Variants in UBE2E3 observed in about 807,000 individuals in gnomAD.
UBE2E3 encodes ubiquitin-conjugating enzyme E2 E3.
In UBE2E3, 5 loss-of-function variants were observed where a neutral mutation model predicts 23.6. That is an observed-to-expected ratio of 0.21 (90% CI 0.11 to 0.44). The LOEUF (loss-of-function observed/expected upper bound fraction) is 0.44. Among genes scored for constraint, UBE2E3 ranks in the 20% least tolerant of loss-of-function variants. UBE2E3 has a pLI of 0.99. For synonymous variants in UBE2E3, 78 were observed against 87.5 expected (o/e 0.89, Z 0.60); for missense variants, 81 against 249.8 (o/e 0.32, Z 4.55).
chr2:181,002,714 A>C (rs1475975554), intron 3 of UBE2E3, among the ~76,000 whole-genome samples: 1 of 152,224 alleles, frequency 6.6e-6, no homozygotes, highest in East Asian at 1.9e-4. Flanking sequence ...TAAAATATAC[A>C]CCACCTTTTA....
intron 3 of UBE2E3, chr2:180,987,407 T>C (rs1247698387): frequency 4.5e-6 from 7 of 1,549,640 alleles, no homozygotes; most frequent in Non-Finnish European, 6.1e-6. Context: ...ACTGGATTTC[T>C]AACTTAACCC....
chr2:180,997,248 T>C (rs1684851607), intron 3 of UBE2E3, among the ~76,000 whole-genome samples: 1 of 152,070 alleles, frequency 6.6e-6, no homozygotes, highest in Non-Finnish European at 1.5e-5. Context: ...TATCTATCTC[T>C]ATTTATTTTT....
intron 3 of UBE2E3, among the ~76,000 whole-genome samples, chr2:181,024,614 T>G (rs1202689313): frequency 6.6e-6 from 1 of 152,108 alleles, no homozygotes; most frequent in African/African-American, 2.4e-5. Flanking sequence ...TATGAATCTG[T>G]TACAGTAATC....
chr2:180,994,534 A>G (rs1291460273), intron 3 of UBE2E3, among the ~76,000 whole-genome samples: 1 of 152,242 alleles, frequency 6.6e-6, no homozygotes, highest in African/African-American at 2.4e-5. Flanking sequence ...AAAAATTTTC[A>G]GTAGCTCCGT....
At chr2:180,983,445 C>T (rs1350577086) in intron 2 of UBE2E3, among the ~76,000 whole-genome samples, 5 of 152,180 alleles carry the variant, frequency 3.3e-5, no homozygotes, top group African/African-American at 9.6e-5. Flanking sequence ...GTATTTTCTC[C>T]TCTTTCTCTC....
intron 3 of UBE2E3, among the ~76,000 whole-genome samples, chr2:181,034,252 C>T (rs1484054652): frequency 6.6e-6 from 1 of 152,142 alleles, no homozygotes; most frequent in African/African-American, 2.4e-5. Flanking sequence ...GCAGTATTCA[C>T]AGTAGCAAAG....
chr2:180,983,488 A>G (rs1684365182), intron 2 of UBE2E3, among the ~76,000 whole-genome samples: 1 of 152,260 alleles, frequency 6.6e-6, no homozygotes, highest in South Asian at 2.1e-4. Flanking sequence ...TGTACCTAAA[A>G]TCAGGGAAAA....
intron 3 of UBE2E3, among the ~76,000 whole-genome samples, chr2:181,021,243 T>C (rs966186467): frequency 6.6e-5 from 10 of 152,172 alleles, no homozygotes; most frequent in African/African-American, 2.4e-4. Flanking sequence ...TGGAGTATTG[T>C]TTTCCCTTGT....
In UBE2E3 at chr2:180,988,860, A is replaced by G. The variant is rs181251229; in HGVS notation, c.245+4767A>G. Among the ~76,000 whole-genome samples the G allele has an allele frequency of 2.6e-5, 4 of 152,202 alleles. No homozygotes were observed. In the East Asian group the frequency reaches 5.8e-4, roughly 22 times the overall value. ...TTGTTTTTGTTTTAGTGTTTGCTACAAGATTGTATCTCATTAGTTATCTAG... is the reference window on the plus strand; with the variant it reads ...TTGTTTTTGTTTTAGTGTTTGCTACGAGATTGTATCTCATTAGTTATCTAG... On this transcript the variant is annotated intron_variant, in intron 3 of 5. Transcript: ENST00000410062.
intron 3 of UBE2E3, among the ~76,000 whole-genome samples, chr2:181,007,681 T>TGTGGAGGGGGCCCAACAGTGA (rs1255989387): frequency 6.6e-6 from 1 of 152,096 alleles, no homozygotes; most frequent in Non-Finnish European, 1.5e-5. Context: ...CTGCCAAGAC[T>TGTGGAGGGGGCCCAACAGTGA]GTGGAGGGGG....
chr2:181,055,638 C>T (rs1316087948), intron 3 of UBE2E3, among the ~76,000 whole-genome samples: 1 of 151,634 alleles, frequency 6.6e-6, no homozygotes, highest in Non-Finnish European at 1.5e-5. Flanking sequence ...TAGTCTACTC[C>T]AAGACAATAG....
At chr2:181,026,004 G>A (rs1333857411) in intron 3 of UBE2E3, among the ~76,000 whole-genome samples, 1 of 151,914 alleles carries the variant, frequency 6.6e-6, no homozygotes, top group Non-Finnish European at 1.5e-5. Context: ...TACGTTAAAT[G>A]TTGAGTAATA....
At chr2:181,033,553 A>G (rs1201882849) in intron 3 of UBE2E3, among the ~76,000 whole-genome samples, 8 of 152,146 alleles carry the variant, frequency 5.3e-5, no homozygotes, top group East Asian at 1.9e-4. Flanking sequence ...AGACTTAAAT[A>G]TTAGACCTAA....
At chr2:181,002,159 A>G (rs931847450) in intron 3 of UBE2E3, among the ~76,000 whole-genome samples, 1 of 151,754 alleles carries the variant, frequency 6.6e-6, no homozygotes, top group Admixed American at 6.6e-5. Context: ...TGGCTGGCCT[A>G]CTGATCACAT....
intron 3 of UBE2E3, among the ~76,000 whole-genome samples, chr2:181,028,944 CGA>C (rs906028117): frequency 1.1e-4 from 16 of 151,810 alleles, no homozygotes; most frequent in African/African-American, 3.6e-4. Flanking sequence ...CCCAAGGTCT[CGA>C]GGATATCTTT....
chr2:181,018,598 G>GT (rs4018770), intron 3 of UBE2E3, among the ~76,000 whole-genome samples: 26,303 of 128,646 alleles, frequency 0.2, 2,810 homozygotes, highest in African/African-American at 0.23. Context: ...CAATTTCTGT[G>GT]TTTTTTTTTT....
intron 3 of UBE2E3, among the ~76,000 whole-genome samples, chr2:181,039,173 C>T (rs983436494): frequency 6.8e-5 from 8 of 116,880 alleles, no homozygotes; most frequent in African/African-American, 3.4e-5. Flanking sequence ...TGCAGTGGAA[C>T]GAGGAAACAT....
At chr2:181,044,439 A>G (rs542803708) in intron 3 of UBE2E3, among the ~76,000 whole-genome samples, 2 of 152,254 alleles carry the variant, frequency 1.3e-5, no homozygotes, top group East Asian at 3.9e-4. Flanking sequence ...GCAAACCCAG[A>G]TCATAAGGGA....
At position 180,994,230 on chromosome 2, in the gene UBE2E3, A is replaced by G. The variant is rs1193081798; in HGVS notation, c.245+10137A>G. Among the ~76,000 whole-genome samples, 4 of 152,164 alleles carry G rather than the reference A, an allele frequency of 2.6e-5. No individual in the cohort carries two copies. In the East Asian group the frequency reaches 5.8e-4, roughly 22 times the overall value. Reference sequence around the variant, plus strand: ...AAAACCCTAAAATAAGCACGTTGCAATTATCACTTTTCCCTTCTGCCGAGG... The same window carrying G: ...AAAACCCTAAAATAAGCACGTTGCAGTTATCACTTTTCCCTTCTGCCGAGG... On this transcript the variant is annotated intron_variant, in intron 3 of 5. Coordinates refer to ENST00000410062, the MANE Select transcript of UBE2E3 (RefSeq NM_006357.4).
Sources: allele counts gnomAD v4.1 joint callset (sites outside exome capture counted in the v4.1 genomes callset), GRCh38; gene constraint gnomAD v4.1.1; transcripts MANE v1.5; gene names NCBI Gene and HGNC (gene_info 2026-07-23, HGNC 2026-07-21).